The following CCDC138 variants were observed in gnomAD, a reference collection of about 807,000 sequenced individuals.
CCDC138 encodes the protein coiled-coil domain-containing protein 138.
In CCDC138, 66 loss-of-function variants were observed where a neutral mutation model predicts 82.3. The ratio of observed to expected loss-of-function variants is 0.80; its 90% CI spans 0.66 to 0.98. The LOEUF is 0.98. CCDC138 is among the 50% of genes least tolerant of loss of function. The pLI is 0.00. For synonymous variants in CCDC138, 297 were observed against 265.4 expected (o/e 1.12, Z -1.16); for missense variants, 816 against 758.9 (o/e 1.08, Z -0.88).
intron 1 of CCDC138, chr2:108,882,460 G>C (rs2105350013): frequency 6.6e-6 from 1 of 152,288 alleles, no homozygotes; most frequent in Middle Eastern, 3.4e-3. Flanking sequence ...TTCTATGCTA[G>C]CAAAGGATTT....
At chr2:108,878,230 T>G (rs1478521), downstream of CCDC138, 22,085 of 152,406 alleles carry the variant, frequency 0.14, 2,775 homozygotes, top group African/African-American at 0.34. Flanking sequence ...CTGAAAAGGA[T>G]AAATAATGGA....
chr2:108,877,329 G>A (rs372921508), downstream of CCDC138, among the ~76,000 whole-genome samples: 4 of 151,808 alleles, frequency 2.6e-5, no homozygotes, highest in East Asian at 1.9e-4. Flanking sequence ...TTAGCCAGGC[G>A]GTGATGGGCA....
At chr2:108,883,655 C>T (rs1696351761) in intron 2 of CCDC138, 1 of 152,228 alleles carries the variant, frequency 6.6e-6, no homozygotes, top group Non-Finnish European at 1.5e-5. Context: ...CCTCCCTGGC[C>T]TGGGATGCTC....
intron 11 of CCDC138, among the ~76,000 whole-genome samples, chr2:108,842,177 G>A (rs1294674674): frequency 2.7e-5 from 4 of 150,244 alleles, no homozygotes; most frequent in East Asian, 2.0e-4. Context: ...ACAGACGTTC[G>A]CCACCACACC....
chr2:108,853,382 TTAACAA>T (rs1411185913), intron 12 of CCDC138, among the ~76,000 whole-genome samples: 8 of 152,156 alleles, frequency 5.3e-5, no homozygotes, highest in Non-Finnish European at 7.4e-5. Flanking sequence ...TTATATGTCA[TTAACAA>T]TAAGTATGGA....
chr2:108,847,841 A>G (rs540327131), intron 12 of CCDC138, among the ~76,000 whole-genome samples: 6 of 152,358 alleles, frequency 3.9e-5, no homozygotes, highest in South Asian at 2.1e-4. Flanking sequence ...GTAAAAAACC[A>G]TATAACTGCC....
chr2:108,825,895 G>C (rs948829720), intron 10 of CCDC138, among the ~76,000 whole-genome samples: 1 of 152,144 alleles, frequency 6.6e-6, no homozygotes. Flanking sequence ...GTCTGCAGAA[G>C]TTTCGATTTC....
Position 108,788,974 on chromosome 2 carries a change from A to C in CCDC138, c.266+8A>C. Reference sequence around the variant, plus strand: ...GCACGTAAATGTGAATTGGTAAAGTACCCTGAAACTTTACTGTTGCTACCC... The same window carrying C: ...GCACGTAAATGTGAATTGGTAAAGTCCCCTGAAACTTTACTGTTGCTACCC... On this transcript the variant is annotated splice_region_variant and intron_variant, in intron 3 of 14. Coordinates refer to ENST00000295124, the MANE Select transcript of CCDC138 (RefSeq NM_144978.3). 6.2e-7 allele frequency: 1 copy of C among 1,613,378 alleles called. No homozygotes were observed. Among genetic ancestry groups the C allele is most frequent in the Non-Finnish European group, 8.5e-7 (1 of 1,179,576 alleles).
intron 13 of CCDC138, among the ~76,000 whole-genome samples, chr2:108,867,623 G>A (rs1694618315): frequency 1.3e-5 from 2 of 152,272 alleles, no homozygotes; most frequent in South Asian, 4.1e-4. Context: ...AAAAAGGAAT[G>A]AGGGTGGACT....
At chr2:108,818,815 TCTGA>T (rs760035953) in intron 10 of CCDC138, among the ~76,000 whole-genome samples, 71 of 151,414 alleles carry the variant, frequency 4.7e-4, no homozygotes, top group African/African-American at 1.6e-3. Flanking sequence ...TTTGGAAACT[TCTGA>T]CTTTTTTTTT....
chr2:108,837,198 C>T (rs1228713847), intron 10 of CCDC138, among the ~76,000 whole-genome samples: 3 of 152,146 alleles, frequency 2.0e-5, no homozygotes, highest in East Asian at 1.9e-4. Flanking sequence ...TTTATTATAT[C>T]GAGGTGGTTT....
rs1273425585 is a variant in CCDC138, at chr2:108,849,873, T to G, written c.1516+2943T>G. On this transcript the variant is annotated intron_variant, in intron 12 of 14. Transcript: ENST00000295124. ...AGAAAGAAGCCTGAATGCTGATGAGTCTCAGGGAGAAGAGCACTTTCTGAC... is the reference window on the plus strand; with the variant it reads ...AGAAAGAAGCCTGAATGCTGATGAGGCTCAGGGAGAAGAGCACTTTCTGAC... Among the ~76,000 whole-genome samples, 5 of 152,054 alleles carry G rather than the reference T, an allele frequency of 3.3e-5. No homozygotes were observed. The East Asian group carries it at 7.7e-4, about 23-fold the overall frequency.
downstream of CCDC138, among the ~76,000 whole-genome samples, chr2:108,880,184 G>A (rs902321501): frequency 2.1e-5 from 1 of 47,138 alleles, no homozygotes; most frequent in Admixed American, 3.4e-4. Flanking sequence ...TTCCAGACAG[G>A]GTAACTTAAA....
chr2:108,793,358 A>C (rs1345100689), intron 4 of CCDC138, among the ~76,000 whole-genome samples: 2 of 151,974 alleles, frequency 1.3e-5, no homozygotes, highest in South Asian at 2.1e-4. Flanking sequence ...ACAACAACAA[A>C]AAAACACTGA....
At chr2:108,836,213 A>G (rs922660484) in intron 10 of CCDC138, among the ~76,000 whole-genome samples, 11 of 152,182 alleles carry the variant, frequency 7.2e-5, no homozygotes, top group Admixed American at 5.2e-4. Context: ...TTCTGCTTCA[A>G]TGAATTTGAC....
At chr2:108,860,697 C>T (rs191760347) in intron 13 of CCDC138, among the ~76,000 whole-genome samples, 133 of 151,882 alleles carry the variant, frequency 8.8e-4, no homozygotes, top group African/African-American at 3.1e-3. Context: ...TACTAGGTTC[C>T]GTTTGCCAGT....
At chr2:108,882,115 A>G (rs1029459761) in intron 1 of CCDC138, 29 of 152,244 alleles carry the variant, frequency 1.9e-4, no homozygotes, top group Non-Finnish European at 3.1e-4. Context: ...GATCACACCA[A>G]TGCACTCCGG....
rs1007977308 is a variant in CCDC138 at position 108,851,888 on chromosome 2, A to G, written c.1517-4906A>G. Among the ~76,000 whole-genome samples the G allele has an allele frequency of 9.2e-5, 14 of 152,274 alleles. 1 individual carries two copies. Among genetic ancestry groups the G allele is most frequent in the Admixed American group, 3.3e-4 (5 of 15,302 alleles). ...TCTTTATACCTTATCTCTGAATACT[A>G]TTATCCTCATATTAGTGATGAGGTT... On this transcript the variant is annotated intron_variant, in intron 12 of 14. Transcript: ENST00000295124.
chr2:108,831,700 TCTTC>T (rs71383803), intron 10 of CCDC138, among the ~76,000 whole-genome samples: 1,843 of 145,246 alleles, frequency 0.013, 28 homozygotes, highest in African/African-American at 0.036. Flanking sequence ...TGGCACAGAA[TCTTC>T]CTTCCTTCCT....
Sources: allele counts gnomAD v4.1 joint callset (sites outside exome capture counted in the v4.1 genomes callset), GRCh38; gene constraint gnomAD v4.1.1; transcripts MANE v1.5; gene names NCBI Gene and HGNC (gene_info 2026-07-23, HGNC 2026-07-21).